Variants in ZNF608 observed in about 807,000 individuals in gnomAD.
ZNF608 encodes renal carcinoma antigen NY-REN-36.
In ZNF608, 12 loss-of-function variants were observed where a neutral mutation model predicts 109.0. The ratio of observed to expected loss-of-function variants is 0.11; its 90% confidence interval spans 0.07 to 0.18. The LOEUF is 0.18. Ranked by LOEUF, ZNF608 falls within the 10% of genes least tolerant of loss-of-function variation. ZNF608 has a pLI of 1.00. For missense variants in ZNF608, 1,707 were observed against 1,879.3 expected (o/e 0.91, Z 1.70); for synonymous variants, 732 against 717.4 (o/e 1.02, Z -0.33).
chr5:124,716,335 T>TAAA lies in ZNF608; in HGVS notation c.907-15069_907-15067dup, dbSNP rs535459904. Among the ~76,000 whole-genome samples, 12 of 143,048 alleles carry TAAA rather than the reference T, an allele frequency of 8.4e-5. No homozygotes were observed. In the South Asian group the frequency reaches 2.7e-3, roughly 32 times the overall value. The allele number at this position is 143,048 out of a possible 152,430, so 93.8% of individuals were successfully genotyped here. ...CTTAAATTTAAATTGTTTCATTTAATAAAAAAAAAAAGAGGGGATTTCCTT... is the reference window on the plus strand; with the variant it reads ...CTTAAATTTAAATTGTTTCATTTAATAAAAAAAAAAAAAAGAGGGGATTTCCTT... On this transcript the variant is annotated intron_variant, in intron 2 of 9. Coordinates refer to ENST00000513986, the MANE Select transcript of ZNF608 (RefSeq NM_020747.3).
intron 3 of ZNF608, among the ~76,000 whole-genome samples, chr5:124,684,228 C>T (rs964544961): frequency 2.6e-5 from 4 of 152,198 alleles, no homozygotes; most frequent in African/African-American, 9.6e-5. Context: ...ATCTTTACCA[C>T]TCCTTTGCTA....
chr5:124,662,818 CACACACACACAG>C (rs987497773), intron 3 of ZNF608, among the ~76,000 whole-genome samples: 3 of 152,056 alleles, frequency 2.0e-5, no homozygotes, highest in African/African-American at 7.2e-5. Flanking sequence ...CACAGACACA[CACACACACACAG>C]ACACACACAC....
Position 124,647,004 on chromosome 5 carries a change from C to T in ZNF608, c.3380G>A (p.Cys1127Tyr), listed in dbSNP as rs1239184079. The part of the protein sequence containing the change: ...QKMAQTGRGD[C>Y]ERKSELPLKE... ...CAAGGGGAGCTCACTTTTCCTTTCA[C>T]AGTCTCCTCTCCCAGTCTGGGCCAT... The change falls in exon 5 of 10, where the codon TGT becomes TAT. Residue 1127 changes from cysteine to tyrosine, a missense_variant. Cys to Tyr is a radical substitution (Grantham distance 194). Transcript: ENST00000513986. 3.7e-6 allele frequency: 6 copies of T among 1,613,980 alleles called. No individual in the cohort carries two copies. Among genetic ancestry groups the T allele is most frequent in the African/African-American group, 1.3e-5 (1 of 74,896 alleles).
intron 3 of ZNF608, among the ~76,000 whole-genome samples, chr5:124,698,885 T>C (rs974625460): frequency 2.0e-5 from 3 of 152,166 alleles, no homozygotes; most frequent in Admixed American, 1.3e-4. Context: ...TCCAGAAAGT[T>C]TGTGGCTAAT....
chr5:124,707,711 C>T (rs1489546212), intron 2 of ZNF608: 2 of 152,208 alleles, frequency 1.3e-5, no homozygotes, highest in African/African-American at 2.4e-5. Context: ...CAGTCTCTTA[C>T]TTTGCATTTT....
chr5:124,722,648 C>T (rs1005410210), intron 2 of ZNF608, among the ~76,000 whole-genome samples: 2 of 151,376 alleles, frequency 1.3e-5, no homozygotes, highest in Admixed American at 6.6e-5. Flanking sequence ...CTATTCCTAA[C>T]ATCTCCCTTT....
Position 124,647,863 on chromosome 5 carries a change from C to G in ZNF608, c.2521G>C (p.Asp841His). ...AAATCTTTGCTGGCCCCCTTGGAGT[C>G]CTCTAGTTTCCCCAGCTTGGCATCC... ...KMDAKLGKLE[D>H]SKGASKDLPG... Residue 841 changes from aspartate (D) to histidine (H), a missense_variant, in exon 5 of 10, where the codon GAC becomes CAC. By Grantham distance (81) the Asp-to-His change is moderately conservative. Around this residue, in one of 7 missense-constraint regions of ZNF608, gnomAD observed 1,073 missense variants for 1,133.5 expected, o/e 0.95. Transcript: ENST00000513986. 1 of 1,614,184 alleles carries G rather than the reference C, an allele frequency of 6.2e-7. No individual in the cohort carries two copies. The highest frequency in any genetic ancestry group is 8.5e-7 in the Non-Finnish European group (1 of 1,180,022).
At chr5:124,659,361 A>G (rs1385280353) in intron 3 of ZNF608, among the ~76,000 whole-genome samples, 1 of 152,184 alleles carries the variant, frequency 6.6e-6, no homozygotes, top group African/African-American at 2.4e-5. Context: ...TCTGAATTTG[A>G]GAAGTCATTA....
At chr5:124,656,453 A>G (rs1238133740) in intron 3 of ZNF608, among the ~76,000 whole-genome samples, 1 of 152,094 alleles carries the variant, frequency 6.6e-6, no homozygotes, top group East Asian at 1.9e-4. Context: ...GAGCATTCCT[A>G]TTAGGGTTTG....
In ZNF608 at chr5:124,649,046, G is replaced by A. The variant is rs1472081635; in HGVS notation, c.1338C>T (p.Gly446=). ...KRARSAAAAP[G]SEASFTESRG... Reference sequence around the variant, plus strand: ...TGGACTCTGTGAAGCTGGCCTCGGAGCCCGGGGCAGCAGCAGCAGACCTCG... The same window carrying A: ...TGGACTCTGTGAAGCTGGCCTCGGAACCCGGGGCAGCAGCAGCAGACCTCG... The change falls in exon 5 of 10, where the codon GGC becomes GGT. Residue 446 remains glycine, a synonymous_variant. Coordinates refer to ENST00000513986, the MANE Select transcript of ZNF608 (RefSeq NM_020747.3). 1 of 1,614,044 alleles carries A rather than the reference G, an allele frequency of 6.2e-7. No homozygotes were observed. The highest frequency in any genetic ancestry group is 1.7e-5 in the Admixed American group (1 of 60,018).
intron 2 of ZNF608, among the ~76,000 whole-genome samples, chr5:124,733,220 T>C (rs1748988069): frequency 2.9e-5 from 4 of 135,858 alleles, no homozygotes; most frequent in Admixed American, 1.6e-4. Context: ...TCTCTCTCTT[T>C]TTTTTTTTTT....
intron 3 of ZNF608, among the ~76,000 whole-genome samples, chr5:124,657,438 G>A (rs1414108006): frequency 6.6e-6 from 1 of 152,128 alleles, no homozygotes; most frequent in Non-Finnish European, 1.5e-5. Context: ...GAGGCGGGTG[G>A]CTCACGAGGT....
intron 3 of ZNF608, among the ~76,000 whole-genome samples, chr5:124,672,289 G>T (rs1412287394): frequency 2.6e-5 from 4 of 152,056 alleles, no homozygotes; most frequent in Non-Finnish European, 5.9e-5. Context: ...TTGTGATTTG[G>T]TTGATCTGGA....
chr5:124,690,730 A>G (rs1752584820), intron 3 of ZNF608, among the ~76,000 whole-genome samples: 1 of 152,140 alleles, frequency 6.6e-6, no homozygotes, highest in Non-Finnish European at 1.5e-5. Context: ...GATCTGAACT[A>G]AAGACACTAA....
chr5:124,670,075 C>T (rs1475030846), intron 3 of ZNF608, among the ~76,000 whole-genome samples: 1 of 152,090 alleles, frequency 6.6e-6, no homozygotes, highest in Non-Finnish European at 1.5e-5. Context: ...AGTCCTATGA[C>T]AGGAGTATTA....
intron 9 of ZNF608, 152 bp from the exon 10 acceptor site, chr5:124,638,058 C>T: frequency 4.3e-6 from 3 of 701,600 alleles, no homozygotes; most frequent in Non-Finnish European, 7.3e-6. Flanking sequence ...TCAAGTGATT[C>T]TCCTGCCTCA....
chr5:124,644,684 A>T (rs368849405), intron 5 of ZNF608, 23 bp from the exon 6 acceptor site: 1,125 of 1,517,916 alleles, frequency 7.4e-4, no homozygotes, highest in Non-Finnish European at 8.6e-4. Context: ...TTTTAAAGAA[A>T]AAAAACCCAA....
At chr5:124,704,133 G>A (rs183172687) in intron 2 of ZNF608, among the ~76,000 whole-genome samples, 57 of 152,240 alleles carry the variant, frequency 3.7e-4, no homozygotes, top group African/African-American at 1.3e-3. Context: ...AGAAAGCTAA[G>A]GTTCAGAGAG....
At chr5:124,720,644 C>T (rs1753866665) in intron 2 of ZNF608, among the ~76,000 whole-genome samples, 2 of 152,076 alleles carry the variant, frequency 1.3e-5, no homozygotes, top group Non-Finnish European at 2.9e-5. Context: ...ATAAATCCAA[C>T]CACTGTTCTT....
Sources: allele counts gnomAD v4.1 joint callset (sites outside exome capture counted in the v4.1 genomes callset), GRCh38; gene constraint gnomAD v4.1.1; regional missense constraint gnomAD v4.1.1; transcripts MANE v1.5; gene names NCBI Gene and HGNC (gene_info 2026-07-23, HGNC 2026-07-21).